STAG2: variants seen among roughly 807,000 people sequenced by gnomAD.
STAG2 encodes the protein cohesin subunit SA-2.
In STAG2, 14 loss-of-function variants were observed where a neutral mutation model predicts 108.1. The observed-to-expected ratio is 0.13, with a 90% CI of 0.09 to 0.20. STAG2 has a LOEUF of 0.20. Among genes scored for constraint, STAG2 ranks in the 10% least tolerant of loss-of-function variants. The pLI is 1.00. For synonymous variants in STAG2, 307 were observed against 302.7 expected (o/e 1.01, Z -0.15); for missense variants, 440 against 940.9 (o/e 0.47, Z 6.96).
At chrX:124,033,670 GAGAATC>G (rs984530181) in intron 5 of STAG2, among the ~76,000 whole-genome samples, 4 of 111,543 alleles carry the variant, frequency 3.6e-5, no homozygotes, top group Admixed American at 1.9e-4. Flanking sequence ...GCTTAGGCAG[GAGAATC>G]ACTTGAACCC....
intron 11 of STAG2, among the ~76,000 whole-genome samples, chrX:124,050,865 A>G (rs1307185909): frequency 8.9e-6 from 1 of 111,814 alleles, no homozygotes; most frequent in East Asian, 2.8e-4. Context: ...GTTTTTCACA[A>G]TAGATTTGTT....
rs371102884 is a variant in STAG2 at position 124,072,873 on chromosome X, CT to C, written c.2533+1560del. Among the ~76,000 whole-genome samples, 7 of 79,421 alleles carry C rather than the reference CT, an allele frequency of 8.8e-5. No individual in the cohort carries two copies. In the East Asian group the frequency reaches 1.2e-3, roughly 13 times the overall value. The allele number at this position is 79,421 out of a possible 115,157, so 69.0% of individuals were successfully genotyped here. A position where few individuals can be genotyped will look rare whatever the true frequency, so the allele number is the denominator to read the frequency against. The stretch of plus-strand genomic sequence containing the variant: ...CCACCACCACGCCCAGCTAATTTTT[CT>C]TTTTTTTTTCTTTCTTTCTTTCTTT... On this transcript the variant is annotated intron_variant, in intron 25 of 34. Coordinates refer to ENST00000371145, the MANE Select transcript of STAG2 (RefSeq NM_001042750.2).
At chrX:124,006,681 C>G (rs993439589) in intron 1 of STAG2, among the ~76,000 whole-genome samples, 1 of 110,753 alleles carries the variant, frequency 9.0e-6, no homozygotes, top group African/African-American at 3.3e-5. Context: ...CCTTGTGATC[C>G]GCCCACCTCG....
chrX:123,974,716 T>C (rs1197062538), intron 1 of STAG2, among the ~76,000 whole-genome samples: 1 of 108,761 alleles, frequency 9.2e-6, no homozygotes, highest in African/African-American at 3.4e-5. Context: ...GTAGCTGGGA[T>C]TACAGGTGCA....
chrX:124,057,924 G>T lies in STAG2; in HGVS notation c.1363G>T (p.Gly455Cys), dbSNP rs2148279815. Residue 455 changes from glycine (G) to cysteine (C), a missense_variant, in exon 15 of 35, where the codon GGT (glycine) becomes TGT (cysteine). Coordinates refer to ENST00000371145, the MANE Select transcript of STAG2 (RefSeq NM_001042750.2). ...DGMMKRRGRQ[G>C]PNANLVKTLV... is the part of the protein sequence containing the mutation. ...AATGATGAAAAGAAGAGGAAGACAA[G>T]GTCCAAATGCCAACCTTGTTAAGAC... 5 of 1,194,975 alleles carry T rather than the reference G, an allele frequency of 4.2e-6. No individual in the cohort carries two copies. The highest frequency in any genetic ancestry group is 3.5e-5 in the African/African-American group (2 of 56,681).
intron 13 of STAG2, among the ~76,000 whole-genome samples, chrX:124,055,296 T>C (rs944234744): frequency 8.9e-6 from 1 of 112,352 alleles, no homozygotes; most frequent in Non-Finnish European, 1.9e-5. Context: ...CTATCCAGTA[T>C]TCTTAGGCTT....
chrX:124,014,846 G>C (rs1225927779), intron 1 of STAG2, among the ~76,000 whole-genome samples: 1 of 110,403 alleles, frequency 9.1e-6, no homozygotes, highest in Non-Finnish European at 1.9e-5. Context: ...ATCCAGGTTT[G>C]TGTAAAAGAA....
chrX:123,986,261 TAAAC>T (rs1451402280), intron 1 of STAG2, among the ~76,000 whole-genome samples: 1 of 108,957 alleles, frequency 9.2e-6, no homozygotes, highest in African/African-American at 3.3e-5. Flanking sequence ...ATATATATAA[TAAAC>T]TAACTTTATA....
chrX:124,000,107 A>G (rs1397210888), intron 1 of STAG2, among the ~76,000 whole-genome samples: 1 of 109,920 alleles, frequency 9.1e-6, no homozygotes, highest in Non-Finnish European at 1.9e-5. Flanking sequence ...CGTTTCAGTC[A>G]ACGATGGACC....
intron 27 of STAG2, 100 bp from the exon 28 acceptor site, chrX:124,081,280 T>A: frequency 1.8e-6 from 1 of 564,190 alleles, no homozygotes; most frequent in Non-Finnish European, 2.6e-6. Flanking sequence ...CAGTGCCTCA[T>A]TTATTGAACA....
intron 1 of STAG2, among the ~76,000 whole-genome samples, chrX:124,010,895 A>G (rs377478674): frequency 1.8e-5 from 2 of 111,405 alleles, no homozygotes; most frequent in East Asian, 2.8e-4. Flanking sequence ...GAGATTCTAT[A>G]TGAATTTTCA....
chrX:124,041,536 A>G (rs752315281), intron 6 of STAG2, among the ~76,000 whole-genome samples: 2 of 111,422 alleles, frequency 1.8e-5, no homozygotes, highest in Non-Finnish European at 1.9e-5. Context: ...TCTTGTACCA[A>G]GACATTCTTC....
At chrX:124,051,673 C>T (rs1603034035) in intron 13 of STAG2, among the ~76,000 whole-genome samples, 2 of 110,174 alleles carry the variant, frequency 1.8e-5, no homozygotes, top group South Asian at 8.0e-4. Flanking sequence ...TCACTGCAAG[C>T]TCCACCTCCC....
chrX:124,080,824 A>G (rs765454499), intron 27 of STAG2, among the ~76,000 whole-genome samples: 11 of 112,237 alleles, frequency 9.8e-5, no homozygotes, highest in Non-Finnish European at 1.9e-4. Flanking sequence ...CATTTTATAG[A>G]TAGACCACAA....
chrX:123,966,447 G>A (rs754823066), intron 1 of STAG2, among the ~76,000 whole-genome samples: 3 of 109,276 alleles, frequency 2.7e-5, no homozygotes, highest in South Asian at 8.0e-4. Flanking sequence ...GGGCGACAGC[G>A]AGACTCCGTT....
chrX:124,038,777 A>C (rs1415448068), intron 6 of STAG2, among the ~76,000 whole-genome samples: 2 of 111,834 alleles, frequency 1.8e-5, no homozygotes, highest in Non-Finnish European at 3.8e-5. Flanking sequence ...CATAGCATAT[A>C]GAAAGCTGCC....
At chrX:123,967,032 C>T (rs912699227) in intron 1 of STAG2, among the ~76,000 whole-genome samples, 3 of 108,391 alleles carry the variant, frequency 2.8e-5, no homozygotes, top group Admixed American at 2.0e-4. Flanking sequence ...TACAGGTGTC[C>T]GCTACCACGC....
chrX:124,003,288 C>T (rs1200737159), intron 1 of STAG2, among the ~76,000 whole-genome samples: 2 of 109,738 alleles, frequency 1.8e-5, no homozygotes, highest in African/African-American at 6.6e-5. Flanking sequence ...TTTTTAATTA[C>T]AGTTGCTAAT....
At chrX:124,056,754 A>AT (rs1350845665) in intron 14 of STAG2, among the ~76,000 whole-genome samples, 1 of 106,494 alleles carries the variant, frequency 9.4e-6, no homozygotes, top group Admixed American at 1.0e-4. Context: ...AAAAAAAAAA[A>AT]GGGAAATGTA....
Sources: allele counts gnomAD v4.1 joint callset (sites outside exome capture counted in the v4.1 genomes callset), GRCh38; gene constraint gnomAD v4.1.1; transcripts MANE v1.5; gene names NCBI Gene and HGNC (gene_info 2026-07-23, HGNC 2026-07-21).